PPP1R9A: variants seen among roughly 807,000 people sequenced by gnomAD.
The protein encoded by PPP1R9A is neurabin-1.
In PPP1R9A, 59 loss-of-function variants were observed where a neutral mutation model predicts 141.9. That is an observed-to-expected ratio of 0.42 (90% confidence interval 0.34 to 0.52). The LOEUF is 0.52. Among genes scored for constraint, PPP1R9A ranks in the 20% least tolerant of loss-of-function variants. PPP1R9A has a pLI of 0.10. For missense variants in PPP1R9A, 1,444 were observed against 1,611.9 expected (o/e 0.90, Z 1.78); for synonymous variants, 500 against 569.7 (o/e 0.88, Z 1.74).
chr7:94,942,950 A>G (rs1471089287), intron 2 of PPP1R9A, among the ~76,000 whole-genome samples: 1 of 152,090 alleles, frequency 6.6e-6, no homozygotes, highest in Non-Finnish European at 1.5e-5. Flanking sequence ...AATATCTGCA[A>G]ATTTTCTCAT....
At chr7:95,093,300 C>T (rs902987423) in intron 2 of PPP1R9A, among the ~76,000 whole-genome samples, 4 of 152,112 alleles carry the variant, frequency 2.6e-5, no homozygotes, top group African/African-American at 9.7e-5. Context: ...AAGATAGGTG[C>T]TGCACTCAAG....
At chr7:95,249,956 C>T in intron 9 of PPP1R9A, 70 bp from the exon 10 acceptor site, 1 of 1,474,152 alleles carries the variant, frequency 6.8e-7, no homozygotes, top group Non-Finnish European at 9.0e-7. Flanking sequence ...CTACAACATG[C>T]TATAAAAATG....
intron 5 of PPP1R9A, among the ~76,000 whole-genome samples, chr7:95,171,944 A>G (rs1275505874): frequency 2.0e-5 from 3 of 151,664 alleles, no homozygotes; most frequent in Admixed American, 6.6e-5. Flanking sequence ...GCCAGGTGAC[A>G]TTTATTGTTT....
chr7:95,148,174 A>C (rs2152630610), intron 4 of PPP1R9A, among the ~76,000 whole-genome samples: 1 of 152,294 alleles, frequency 6.6e-6, no homozygotes, highest in East Asian at 1.9e-4. Context: ...ATTAAATCCA[A>C]AGTAAGGAGA....
intron 18 of PPP1R9A, among the ~76,000 whole-genome samples, chr7:95,286,578 C>T (rs1050784058): frequency 2.0e-5 from 3 of 152,072 alleles, no homozygotes; most frequent in Admixed American, 6.6e-5. Context: ...CTGGGCAGTG[C>T]AGAGTTAAAC....
chr7:95,065,928 C>T (rs998224112), intron 2 of PPP1R9A, among the ~76,000 whole-genome samples: 5 of 152,126 alleles, frequency 3.3e-5, no homozygotes, highest in African/African-American at 1.2e-4. Flanking sequence ...GTGGTCACTA[C>T]TTTTTCATCC....
chr7:95,141,605 A>G (rs1271438064), intron 4 of PPP1R9A, among the ~76,000 whole-genome samples: 1 of 151,116 alleles, frequency 6.6e-6, no homozygotes, highest in Non-Finnish European at 1.5e-5. Flanking sequence ...TTTCATGTAA[A>G]TGGAATACAG....
intron 12 of PPP1R9A, among the ~76,000 whole-genome samples, chr7:95,263,222 G>T: frequency 6.6e-6 from 1 of 152,176 alleles, no homozygotes; most frequent in East Asian, 1.9e-4. Context: ...CTAAATATAT[G>T]TTTTTCTCTA....
chr7:94,969,845 C>T (rs1343599979), intron 2 of PPP1R9A, among the ~76,000 whole-genome samples: 2 of 152,100 alleles, frequency 1.3e-5, no homozygotes, highest in Non-Finnish European at 2.9e-5. Context: ...ATGCCCTGCC[C>T]AGAGAGGAGG....
At chr7:95,248,689 A>G (rs1176137260) in intron 9 of PPP1R9A, among the ~76,000 whole-genome samples, 1 of 152,124 alleles carries the variant, frequency 6.6e-6, no homozygotes, top group Non-Finnish European at 1.5e-5. Context: ...GACTATAGAC[A>G]TTTAACTTAG....
chr7:95,201,589 C>G (rs1222468220), intron 6 of PPP1R9A, among the ~76,000 whole-genome samples: 4 of 152,116 alleles, frequency 2.6e-5, no homozygotes, highest in Non-Finnish European at 5.9e-5. Flanking sequence ...TCTATTTACT[C>G]TCTGTCTTTC....
At chr7:95,152,752 C>A (rs1274428403) in intron 4 of PPP1R9A, among the ~76,000 whole-genome samples, 3 of 151,670 alleles carry the variant, frequency 2.0e-5, no homozygotes, top group Non-Finnish European at 2.9e-5. Flanking sequence ...ATTTAACCTT[C>A]TCTGGTGGAT....
At chr7:94,914,406 T>G (rs1562984923) in intron 2 of PPP1R9A, among the ~76,000 whole-genome samples, 3 of 152,208 alleles carry the variant, frequency 2.0e-5, no homozygotes, top group African/African-American at 7.2e-5. Context: ...ATCTTTCCTG[T>G]GTAGCATATA....
rs1229406305 is a variant in PPP1R9A at position 95,166,433 on chromosome 7, C to T, written c.1754+4462C>T. On this transcript the variant is annotated intron_variant, in intron 5 of 19. Transcript: ENST00000433360. The stretch of plus-strand genomic sequence containing the variant: ...GACAAACTGGATAAATTTCTGGATA[C>T]ATATATGTAGCCTACCAAGATTGAA... 2.0e-5 allele frequency among the ~76,000 whole-genome samples: 3 copies of T among 152,190 alleles called. No individual in the cohort carries two copies. The South Asian group carries it at 6.2e-4, about 32-fold the overall frequency.
intron 2 of PPP1R9A, among the ~76,000 whole-genome samples, chr7:94,979,171 G>A (rs1457598966): frequency 2.0e-5 from 3 of 152,200 alleles, no homozygotes; most frequent in Non-Finnish European, 2.9e-5. Context: ...AAATTCTGAA[G>A]GGAGAGACAG....
intron 5 of PPP1R9A, among the ~76,000 whole-genome samples, chr7:95,179,565 A>T (rs1833409719): frequency 6.6e-6 from 1 of 152,118 alleles, no homozygotes; most frequent in Admixed American, 6.6e-5. Context: ...AAATCCATAA[A>T]GAGGAAGTCA....
At chr7:95,096,377 G>T (rs1393825577) in intron 2 of PPP1R9A, among the ~76,000 whole-genome samples, 1 of 151,994 alleles carries the variant, frequency 6.6e-6, no homozygotes, top group Admixed American at 6.6e-5. Context: ...TTTTGCTCTT[G>T]TTGCAAGGAC....
chr7:95,268,840 C>T (rs1375597740), intron 13 of PPP1R9A, 133 bp downstream of exon 13: 15 of 1,032,712 alleles, frequency 1.5e-5, no homozygotes, highest in Non-Finnish European at 1.9e-5. Context: ...TAGTTCACGT[C>T]TTTGTCTCCT....
rs200547261 is a variant in PPP1R9A, at chr7:95,274,088, G to A, written c.3216G>A (p.Ala1072=). Residue 1072 remains alanine (A), a synonymous_variant, in exon 16 of 20, where the codon GCG becomes GCA. Transcript: ENST00000433360. ...KIKRKFVDLG[A]PLRRNSSKGK... is the part of the protein sequence containing the mutation. ...TGACTGCTTACTATCATTACAGGGC[G>A]CCTTTGCGAAGGAATTCCAGCAAGG... 652 of 1,573,862 alleles carry A rather than the reference G, an allele frequency of 4.1e-4. No individual in the cohort carries two copies. The highest frequency in any genetic ancestry group is 5.0e-4 in the South Asian group (44 of 88,090).
Sources: gnomAD v4.1 joint callset for allele counts (sites outside exome capture counted in the v4.1 genomes callset) on GRCh38, gnomAD v4.1.1 for gene constraint, MANE v1.5 for transcripts, NCBI Gene and HGNC (gene_info 2026-07-23, HGNC 2026-07-21) for gene names.